Variants in CBX1 observed in about 807,000 individuals in gnomAD.
CBX1 encodes the protein chromobox protein homolog 1.
Under a neutral mutation model 25.1 loss-of-function variants are expected in CBX1, and 10 were observed. That is an observed-to-expected ratio of 0.40 (90% CI 0.25 to 0.68). CBX1 has a LOEUF of 0.68. Ranked by LOEUF, CBX1 falls within the 30% of genes least tolerant of loss-of-function variation. CBX1 has a pLI of 0.40. For missense variants in CBX1, 106 were observed against 218.5 expected (o/e 0.49, Z 3.25); for synonymous variants, 63 against 79.4 (o/e 0.79, Z 1.10).
intron 1 of CBX1, among the ~76,000 whole-genome samples, chr17:48,094,300 G>A (rs1371376730): frequency 6.6e-6 from 1 of 151,822 alleles, no homozygotes; most frequent in Non-Finnish European, 1.5e-5. Context: ...CAGGTGTGGT[G>A]GCACATACCT....
chr17:48,100,618 A>C, intron 1 of CBX1: 3 of 619,406 alleles, frequency 4.8e-6, no homozygotes, highest in Non-Finnish European at 6.1e-6. Flanking sequence ...CCTTATAGAA[A>C]TATTCTCGGG....
In CBX1 at chr17:48,071,428, A is replaced by G. The variant is rs773778582; in HGVS notation, c.*7T>C. On this transcript the variant is annotated 3_prime_UTR_variant, in exon 5 of 5. Coordinates refer to ENST00000225603, the MANE Select transcript of CBX1 (RefSeq NM_001127228.2). The stretch of plus-strand genomic sequence containing the variant: ...TCAGATGTGACAGGGGCTGGTACTC[A>G]GGAGCGTTAGTTCTTGTCATCTTTT... The G allele has an allele frequency of 1.2e-5, 20 of 1,603,624 alleles. No homozygotes were observed. The South Asian group carries it at 2.2e-4, about 18-fold the overall frequency.
intron 1 of CBX1, among the ~76,000 whole-genome samples, chr17:48,090,666 C>T (rs2063339896): frequency 6.6e-6 from 1 of 152,180 alleles, no homozygotes; most frequent in Non-Finnish European, 1.5e-5. Flanking sequence ...AAGGCCCCTG[C>T]ACCTACACCT....
rs543123998 is a variant in CBX1 at position 48,100,137 on chromosome 17, C to CAAA, written c.-38+1128_-38+1130dup. ...CTGGGCAACAGAGGAAGACTCTTCT[C>CAAA]AAAAAAAAAAAAAAAAAGAGGTAAA... On this transcript the variant is annotated intron_variant, in intron 1 of 4. Transcript: ENST00000225603. Among the ~76,000 whole-genome samples the CAAA allele has an allele frequency of 3.4e-3, 192 of 56,890 alleles. 6 individuals are homozygous for CAAA. The highest frequency in any genetic ancestry group is 0.011 in the African/African-American group (179 of 16,894). 37.3% of individuals were successfully genotyped at this position (56,890 alleles called of 152,430 possible). A position where few individuals can be genotyped will look rare whatever the true frequency, so the allele number is the denominator to read the frequency against.
Position 48,097,666 on chromosome 17 carries a change from T to C in CBX1, c.-38+3602A>G, listed in dbSNP as rs568268920. 2.0e-5 allele frequency among the ~76,000 whole-genome samples: 3 copies of C among 151,348 alleles called. No individual in the cohort carries two copies. In the South Asian group the frequency reaches 6.3e-4, roughly 32 times the overall value. ...CCATAGTTCTGTTACGCACTCAAAGTGTCAACTATTATTTTAAAAGGCACA... is the reference window on the plus strand; with the variant it reads ...CCATAGTTCTGTTACGCACTCAAAGCGTCAACTATTATTTTAAAAGGCACA... On this transcript the variant is annotated intron_variant, in intron 1 of 4. Transcript: ENST00000225603.
chr17:48,095,903 T>C (rs1204983214), intron 1 of CBX1: 1 of 152,094 alleles, frequency 6.6e-6, no homozygotes, highest in East Asian at 1.9e-4. Flanking sequence ...TTTTTGGAGA[T>C]GGAGTCTTGC....
intron 1 of CBX1, among the ~76,000 whole-genome samples, chr17:48,094,756 G>A (rs2063363908): frequency 1.4e-5 from 2 of 142,134 alleles, no homozygotes; most frequent in South Asian, 2.2e-4. Context: ...AAAAAAAAAA[G>A]TGTGCTCCTG....
intron 1 of CBX1, chr17:48,100,733 TCTC>T (rs891914210): frequency 4.6e-5 from 45 of 984,428 alleles, no homozygotes; most frequent in Admixed American, 6.2e-5. Flanking sequence ...ATTCCACACA[TCTC>T]CTCCTCCAAT....
At position 48,080,951 on chromosome 17, in the gene CBX1, AATATATATATATATATATATAT is replaced by A. The variant is rs1323670486; in HGVS notation, c.-37-3932_-37-3911del. Among the ~76,000 whole-genome samples, 97 of 33,266 alleles carry A rather than the reference AATATATATATATATATATATAT, an allele frequency of 2.9e-3. 1 individual carries two copies. Among genetic ancestry groups the A allele is most frequent in the East Asian group, 0.011 (9 of 844 alleles). 21.8% of individuals were successfully genotyped at this position (33,266 alleles called of 152,430 possible). A position where few individuals can be genotyped will look rare whatever the true frequency, so the allele number is the denominator to read the frequency against. ...AAAAAAAAAAAAAAAAAAAAAAAAA[AATATATATATATATATATATAT>A]ATATATATATATATATATATAAAAT... On this transcript the variant is annotated intron_variant, in intron 1 of 4. Coordinates refer to ENST00000225603, the MANE Select transcript of CBX1 (RefSeq NM_001127228.2).
intron 1 of CBX1, among the ~76,000 whole-genome samples, chr17:48,080,979 TATATATATATATATAA>T (rs1456562694): frequency 0.02 from 1,409 of 72,226 alleles, 67 homozygotes; most frequent in African/African-American, 0.075. Context: ...TATATATATA[TATATATATATATATAA>T]AATTTGTCTT....
intron 1 of CBX1, among the ~76,000 whole-genome samples, chr17:48,086,696 A>G (rs1226375836): frequency 2.6e-5 from 4 of 151,962 alleles, no homozygotes; most frequent in Admixed American, 2.6e-4. Flanking sequence ...TCTCTACTAA[A>G]AAATACAAAA....
At chr17:48,078,088 G>A (rs1224444015) in intron 1 of CBX1, among the ~76,000 whole-genome samples, 1 of 151,668 alleles carries the variant, frequency 6.6e-6, no homozygotes, top group Non-Finnish European at 1.5e-5. Context: ...AAAAAGAAAA[G>A]CAGTCCTCCT....
chr17:48,083,439 T>G (rs1271467969), intron 1 of CBX1, among the ~76,000 whole-genome samples: 2 of 150,716 alleles, frequency 1.3e-5, no homozygotes, highest in African/African-American at 2.5e-5. Context: ...CTACTTAATT[T>G]TTAGCTTTTT....
chr17:48,100,766 C>T (rs572112727), intron 1 of CBX1: 739 of 985,550 alleles, frequency 7.5e-4, no homozygotes, highest in Middle Eastern at 2.1e-3. Context: ...TTGTGCGGCC[C>T]TGGGCCCTCT....
intron 1 of CBX1, chr17:48,100,887 G>A (rs1047298045): frequency 8.1e-6 from 8 of 985,570 alleles, no homozygotes; most frequent in Middle Eastern, 5.2e-4. Context: ...GGGTTGTGCG[G>A]TCGTATGCGC....
At chr17:48,081,635 T>G (rs961903904) in intron 1 of CBX1, among the ~76,000 whole-genome samples, 6 of 152,064 alleles carry the variant, frequency 3.9e-5, no homozygotes, top group Admixed American at 6.6e-5. Flanking sequence ...AGAGACAAGA[T>G]TTCACCATGT....
Position 48,071,583 on chromosome 17 carries a change from C to T in CBX1, c.414-4G>A, listed in dbSNP as rs377528534. 6 of 1,595,502 alleles carry T rather than the reference C, an allele frequency of 3.8e-6. No homozygotes were observed. The highest frequency in any genetic ancestry group is 5.1e-6 in the Non-Finnish European group (6 of 1,171,638). On this transcript the variant is annotated splice_polypyrimidine_tract_variant and splice_region_variant and intron_variant, in intron 4 of 4. Coordinates refer to ENST00000225603, the MANE Select transcript of CBX1 (RefSeq NM_001127228.2). The stretch of plus-strand genomic sequence containing the variant: ...GTCAGCCTCATCAGAGTTTTTCCTG[C>T]AGAATAAAGCAAAGAGAGACTTTGA...
At chr17:48,071,670 T>C (rs2037626004) in intron 4 of CBX1, 91 bp from the exon 5 acceptor site, 2 of 1,112,582 alleles carry the variant, frequency 1.8e-6, no homozygotes, top group East Asian at 2.7e-5. Flanking sequence ...TTAAAAATGG[T>C]AATTTTAGAA....
intron 1 of CBX1, among the ~76,000 whole-genome samples, chr17:48,089,488 C>T (rs1320617602): frequency 7.5e-5 from 1 of 13,368 alleles, no homozygotes; most frequent in Non-Finnish European, 1.5e-4. Context: ...TGGCAAAAAC[C>T]ATATTCCTCA....
Sources: gnomAD v4.1 joint callset for allele counts (sites outside exome capture counted in the v4.1 genomes callset) on GRCh38, gnomAD v4.1.1 for gene constraint, MANE v1.5 for transcripts, NCBI Gene and HGNC (gene_info 2026-07-23, HGNC 2026-07-21) for gene names.